EPHA5: variants seen among roughly 807,000 people sequenced by gnomAD.
The protein encoded by EPHA5 is EPH receptor A5.
In EPHA5, 60 loss-of-function variants were observed where a neutral mutation model predicts 105.0. That is an observed-to-expected ratio of 0.57 (90% CI 0.46 to 0.71). The LOEUF (loss-of-function observed/expected upper bound fraction) is 0.71. Among genes scored for constraint, EPHA5 ranks in the 30% least tolerant of loss-of-function variants. The pLI, the probability that EPHA5 is intolerant of heterozygous loss-of-function variation, is 0.00. For synonymous variants in EPHA5, 513 were observed against 449.1 expected, an observed-to-expected ratio of 1.14 and a Z score of -1.80; for missense variants, 1,218 against 1,274.7, an observed-to-expected ratio of 0.96 and a Z score of 0.68.
At chr4:65,473,690 A>G (rs553338309) in intron 5 of EPHA5, among the ~76,000 whole-genome samples, 1 of 151,622 alleles carries the variant, frequency 6.6e-6, no homozygotes, top group East Asian at 2.0e-4. Context: ...ACAATTGAAG[A>G]TGAGATTTAT....
In EPHA5 at chr4:65,379,016, G is replaced by GA. The variant is rs574253965; in HGVS notation, c.1794-11593dup. Among the ~76,000 whole-genome samples, 241 of 151,674 alleles carry GA rather than the reference G, an allele frequency of 1.6e-3. 1 individual carries two copies. Among genetic ancestry groups the GA allele is most frequent in the African/African-American group, 5.4e-3 (223 of 41,438 alleles). ...ATGTATCCAATTGTTTGTTAATGAGGAAAAAAAGATGTCATTTCCTAACAA... is the reference window on the plus strand; with the variant it reads ...ATGTATCCAATTGTTTGTTAATGAGGAAAAAAAAGATGTCATTTCCTAACAA... On this transcript the variant is annotated intron_variant, in intron 8 of 16. Transcript: ENST00000613740.
At chr4:65,393,071 T>C (rs1027703972) in intron 8 of EPHA5, among the ~76,000 whole-genome samples, 2 of 152,172 alleles carry the variant, frequency 1.3e-5, no homozygotes, top group Admixed American at 6.6e-5. Flanking sequence ...TTCTTTTTCC[T>C]CTATTCATGA....
chr4:65,489,223 A>T (rs144434978), intron 5 of EPHA5, among the ~76,000 whole-genome samples: 5,045 of 152,162 alleles, frequency 0.033, 153 homozygotes, highest in Non-Finnish European at 0.046. Context: ...TTATTCTTAG[A>T]ATATAACCAC....
intron 8 of EPHA5, among the ~76,000 whole-genome samples, chr4:65,398,219 G>A (rs571846879): frequency 1.3e-3 from 193 of 152,286 alleles, no homozygotes; most frequent in African/African-American, 4.4e-3. Flanking sequence ...TCTGATTTTG[G>A]AGCAAAGTTG....
intron 3 of EPHA5, among the ~76,000 whole-genome samples, chr4:65,596,362 T>C (rs1425865667): frequency 6.6e-6 from 1 of 151,976 alleles, no homozygotes; most frequent in South Asian, 2.1e-4. Flanking sequence ...AGAAAGCTGC[T>C]AAACAGTCTA....
chr4:65,620,378 C>A (rs989347825), intron 2 of EPHA5, among the ~76,000 whole-genome samples: 4 of 151,958 alleles, frequency 2.6e-5, no homozygotes, highest in Non-Finnish European at 5.9e-5. Flanking sequence ...AGTCTAACAT[C>A]TAGCCAGATT....
chr4:65,550,850 AAC>A (rs1737827604), intron 3 of EPHA5, among the ~76,000 whole-genome samples: 1 of 152,040 alleles, frequency 6.6e-6, no homozygotes, highest in African/African-American at 2.4e-5. Flanking sequence ...AAAAAACAAA[AAC>A]AAAAACAAAA....
In EPHA5 at chr4:65,420,485, G is replaced by A. The variant is rs754873943; in HGVS notation, c.1483C>T (p.Pro495Ser). 1.9e-6 allele frequency: 3 copies of A among 1,612,488 alleles called. No individual in the cohort carries two copies. Among genetic ancestry groups the A allele is most frequent in the Non-Finnish European group, 2.5e-6 (3 of 1,179,188 alleles). ...ISLSWQEPDR[P>S]NGIILEYEIK... The stretch of plus-strand genomic sequence containing the variant: ...TCATACTCTAGGATGATTCCATTGG[G>A]ACGATCTGGTTCTTGCCAAGACAAA... Residue 495 changes from proline (P) to serine (S), a missense_variant, in exon 6 of 17, where the codon CCC (proline) becomes TCC (serine). This residue lies in a region of EPHA5 where 971 missense variants were observed against 1,013.5 expected (regional missense o/e 0.96). Coordinates refer to ENST00000613740, the MANE Select transcript of EPHA5 (RefSeq NM_001281766.3).
At chr4:65,656,696 CT>C (rs1749097014) in intron 1 of EPHA5, among the ~76,000 whole-genome samples, 1 of 150,436 alleles carries the variant, frequency 6.6e-6, no homozygotes, top group Non-Finnish European at 1.5e-5. Flanking sequence ...TCACTGAAGC[CT>C]CAACCTCCCA....
intron 7 of EPHA5, among the ~76,000 whole-genome samples, chr4:65,406,534 G>T (rs755568419): frequency 6.6e-6 from 1 of 152,050 alleles, no homozygotes; most frequent in Non-Finnish European, 1.5e-5. Context: ...ATGTATGAAT[G>T]ATTCTTCATG....
intron 6 of EPHA5, among the ~76,000 whole-genome samples, chr4:65,419,942 T>G (rs1723780484): frequency 6.6e-6 from 1 of 152,174 alleles, no homozygotes; most frequent in Non-Finnish European, 1.5e-5. Flanking sequence ...GCATACATTT[T>G]TTATTTTTTA....
intron 3 of EPHA5, among the ~76,000 whole-genome samples, chr4:65,497,159 A>C (rs1038267691): frequency 2.6e-5 from 4 of 152,162 alleles, no homozygotes; most frequent in Non-Finnish European, 5.9e-5. Flanking sequence ...CACTACATAT[A>C]CTGAAGTATG....
At chr4:65,546,150 A>G (rs1047707480) in intron 3 of EPHA5, among the ~76,000 whole-genome samples, 1 of 151,950 alleles carries the variant, frequency 6.6e-6, no homozygotes, top group Non-Finnish European at 1.5e-5. Flanking sequence ...ATTTTAACTT[A>G]CTGCATTTTA....
intron 5 of EPHA5, among the ~76,000 whole-genome samples, chr4:65,453,893 CCTT>C (rs1269524694): frequency 6.6e-6 from 1 of 152,152 alleles, no homozygotes; most frequent in African/African-American, 2.4e-5. Flanking sequence ...CTAGGTCTCT[CCTT>C]CTGCCTTATG....
At chr4:65,595,253 A>G (rs1743056233) in intron 3 of EPHA5, among the ~76,000 whole-genome samples, 1 of 151,954 alleles carries the variant, frequency 6.6e-6, no homozygotes, top group Non-Finnish European at 1.5e-5. Context: ...GTGAGTCTAT[A>G]TGCATGTTTG....
At chr4:65,567,578 A>G (rs946357944) in intron 3 of EPHA5, among the ~76,000 whole-genome samples, 2 of 151,588 alleles carry the variant, frequency 1.3e-5, no homozygotes, top group African/African-American at 4.8e-5. Flanking sequence ...ACATACTGTT[A>G]TTGAAAATGT....
chr4:65,360,268 G>A (rs887162015), intron 11 of EPHA5, among the ~76,000 whole-genome samples: 2 of 151,658 alleles, frequency 1.3e-5, no homozygotes, highest in African/African-American at 4.8e-5. Flanking sequence ...TATAAAGGCA[G>A]AAACTCAGTC....
At chr4:65,489,846 C>G (rs1475474823) in intron 5 of EPHA5, among the ~76,000 whole-genome samples, 2 of 152,080 alleles carry the variant, frequency 1.3e-5, no homozygotes, top group Non-Finnish European at 2.9e-5. Flanking sequence ...CATAGTTACT[C>G]TAATTTTGAT....
intron 3 of EPHA5, among the ~76,000 whole-genome samples, chr4:65,568,094 T>C (rs947049896): frequency 1.7e-4 from 26 of 151,554 alleles, no homozygotes; most frequent in African/African-American, 6.0e-4. Flanking sequence ...TTGTTTTGGG[T>C]AAAATTTGTA....
Sources: gnomAD v4.1 joint callset for allele counts (sites outside exome capture counted in the v4.1 genomes callset) on GRCh38, gnomAD v4.1.1 for gene constraint, gnomAD v4.1.1 regional missense constraint, MANE v1.5 for transcripts, NCBI Gene and HGNC (gene_info 2026-07-23, HGNC 2026-07-21) for gene names.